The following PHF3 variants were observed in gnomAD, a reference collection of about 807,000 sequenced individuals.
The protein encoded by PHF3 is PHD finger protein 3.
A neutral mutation model predicts 178.4 loss-of-function variants in PHF3; 41 were observed. That is an observed-to-expected ratio of 0.23 (90% CI 0.18 to 0.30). PHF3 has a LOEUF of 0.30. PHF3 is among the 10% of genes least tolerant of loss of function. The pLI, the probability that PHF3 is intolerant of heterozygous loss-of-function variation, is 1.00. For synonymous variants in PHF3, 842 were observed against 800.5 expected, an observed-to-expected ratio of 1.05 and a Z score of -0.88; for missense variants, 2,346 against 2,398.1, an observed-to-expected ratio of 0.98 and a Z score of 0.45.
chr6:63,681,013 A>G (rs1561961362), intron 3 of PHF3, among the ~76,000 whole-genome samples: 1 of 152,070 alleles, frequency 6.6e-6, no homozygotes, highest in Non-Finnish European at 1.5e-5. Flanking sequence ...AGGAGCTGTG[A>G]GATACACTTT....
Position 63,698,594 on chromosome 6 carries a change from C to A in PHF3, c.2971C>A (p.Pro991Thr). The change falls in exon 8 of 16, where the codon CCT (proline) becomes ACT (threonine). Residue 991 changes from proline to threonine, a missense_variant. Coordinates refer to ENST00000262043, the MANE Select transcript of PHF3 (RefSeq NM_001370348.2). ...YRSLMFNLKD[P>T]KNNILFKKVL... The stretch of plus-strand genomic sequence containing the variant: ...AAGTTTGATGTTTAATTTGAAAGAT[C>A]CTAAAAACAATGTAAGTATGCTTTG... The A allele has an allele frequency of 6.4e-7, 1 of 1,567,636 alleles. No homozygotes were observed. Among genetic ancestry groups the A allele is most frequent in the East Asian group, 2.3e-5 (1 of 44,398 alleles).
chr6:63,681,320 C>T (rs574072416), intron 3 of PHF3, among the ~76,000 whole-genome samples: 3 of 152,138 alleles, frequency 2.0e-5, no homozygotes, highest in East Asian at 3.9e-4. Flanking sequence ...GCTCAAGACA[C>T]TCAGTAGATC....
At chr6:63,676,000 T>A (rs1766149550) in intron 2 of PHF3, among the ~76,000 whole-genome samples, 1 of 152,222 alleles carries the variant, frequency 6.6e-6, no homozygotes. Flanking sequence ...TACTTTGAAA[T>A]TTTTGTGATG....
intron 3 of PHF3, among the ~76,000 whole-genome samples, chr6:63,683,589 A>G (rs1460400602): frequency 2.0e-5 from 3 of 152,154 alleles, no homozygotes; most frequent in Non-Finnish European, 4.4e-5. Flanking sequence ...TAAAATGGTG[A>G]CCTAAGGGAA....
intron 2 of PHF3, among the ~76,000 whole-genome samples, chr6:63,655,405 GT>G (rs1765192601): frequency 6.6e-6 from 1 of 151,966 alleles, no homozygotes; most frequent in Non-Finnish European, 1.5e-5. Context: ...TAGAGACAGG[GT>G]TTCACCATGT....
At chr6:63,660,859 T>G (rs1054078730) in intron 2 of PHF3, among the ~76,000 whole-genome samples, 5 of 152,192 alleles carry the variant, frequency 3.3e-5, no homozygotes, top group Non-Finnish European at 7.3e-5. Flanking sequence ...AGGCAATGCC[T>G]TTTCAACAAT....
At chr6:63,662,025 C>G (rs1765489671) in intron 2 of PHF3, among the ~76,000 whole-genome samples, 2 of 152,142 alleles carry the variant, frequency 1.3e-5, no homozygotes, top group South Asian at 4.1e-4. Context: ...CCTGTCAGAT[C>G]AGCGGTGGCA....
chr6:63,683,159 T>C (rs1035972872), intron 3 of PHF3, among the ~76,000 whole-genome samples: 1 of 152,078 alleles, frequency 6.6e-6, no homozygotes, highest in Non-Finnish European at 1.5e-5. Context: ...TATATAATTT[T>C]ATTGTTCAAA....
At chr6:63,653,048 T>G (rs1295014867) in intron 2 of PHF3, among the ~76,000 whole-genome samples, 1 of 150,728 alleles carries the variant, frequency 6.6e-6, no homozygotes, top group African/African-American at 2.4e-5. Context: ...TTCTGTGTAT[T>G]TTTTTTTGTG....
Position 63,713,444 on chromosome 6 carries a change from CCAAGA to C in PHF3, c.5861_5865del (p.Asp1954GlyfsTer14), listed in dbSNP as rs1220531457. 6.2e-7 allele frequency: 1 copy of C among 1,613,660 alleles called. No individual in the cohort carries two copies. Among genetic ancestry groups the C allele is most frequent in the Non-Finnish European group, 8.5e-7 (1 of 1,179,898 alleles). ...AAAGGCATAGACGCAGAGACAGAAG[CCAAGA>C]CAAGGACAGAGACAGAAAAAGCAGG... On this transcript the variant is annotated frameshift_variant, in exon 16 of 16. Coordinates refer to ENST00000262043, the MANE Select transcript of PHF3 (RefSeq NM_001370348.2). LOFTEE classifies it high-confidence loss of function.
At chr6:63,667,834 T>C (rs1765744663) in intron 2 of PHF3, among the ~76,000 whole-genome samples, 3 of 152,134 alleles carry the variant, frequency 2.0e-5, no homozygotes, top group Admixed American at 2.0e-4. Context: ...TTGATTAGAG[T>C]CAAACATATT....
At chr6:63,699,129 AT>A (rs1180963507) in intron 8 of PHF3, among the ~76,000 whole-genome samples, 2 of 152,040 alleles carry the variant, frequency 1.3e-5, no homozygotes, top group Non-Finnish European at 2.9e-5. Context: ...TAAACCCCTA[AT>A]TTTTTCTTGG....
At chr6:63,666,910 C>T (rs967104151) in intron 2 of PHF3, among the ~76,000 whole-genome samples, 3 of 151,984 alleles carry the variant, frequency 2.0e-5, no homozygotes, top group Non-Finnish European at 1.5e-5. Context: ...TGCCACCATG[C>T]CCAGCTAGTT....
At position 63,684,946 on chromosome 6, in the gene PHF3, T is replaced by C. The variant is rs1221753789; in HGVS notation, c.1224T>C (p.Asn408=). The C allele has an allele frequency of 7.4e-6, 12 of 1,614,052 alleles. No individual in the cohort carries two copies. Among genetic ancestry groups the C allele is most frequent in the Non-Finnish European group, 1.0e-5 (12 of 1,179,926 alleles). The stretch of plus-strand genomic sequence containing the variant: ...GTTATTGTGAAGATGCGGAGTCTAA[T>C]AGGCAGTTGGAGAGCACTGAGTTTA... ...PLGYCEDAES[N]RQLESTEFNK... is the part of the protein sequence containing the mutation. Residue 408 remains asparagine, a synonymous_variant, in exon 4 of 16, where the codon AAT becomes AAC. Coordinates refer to ENST00000262043, the MANE Select transcript of PHF3 (RefSeq NM_001370348.2).
chr6:63,640,189 A>G lies in PHF3; in HGVS notation c.-26+4039A>G, dbSNP rs894082227. Among the ~76,000 whole-genome samples, 17 of 152,190 alleles carry G rather than the reference A, an allele frequency of 1.1e-4. 1 individual carries two copies. Among genetic ancestry groups the G allele is most frequent in the Admixed American group, 3.9e-4 (6 of 15,286 alleles). ...AAGTGGGGGTGTAGAGTAGATGACT[A>G]GGTTGAATTGCTTTGTAGAATGATA... On this transcript the variant is annotated intron_variant, in intron 1 of 15. Coordinates refer to ENST00000262043, the MANE Select transcript of PHF3 (RefSeq NM_001370348.2).
At position 63,718,836 on chromosome 6, in the gene PHF3, T is replaced by G. The variant is rs538716827; in HGVS notation, c.*5128T>G. On this transcript the variant is annotated 3_prime_UTR_variant, in exon 16 of 16. Transcript: ENST00000262043. ...TTTGTAAGCTTTCATAAAACAGCCT[T>G]CTTTTTATACATAAAGTATGTTTTC... 6.6e-6 allele frequency among the ~76,000 whole-genome samples: 1 copy of G among 152,020 alleles called. No individual in the cohort carries two copies. The highest frequency in any genetic ancestry group is 2.4e-5 in the African/African-American group (1 of 41,434).
intron 2 of PHF3, among the ~76,000 whole-genome samples, chr6:63,656,700 A>AT (rs1419368804): frequency 6.6e-6 from 1 of 152,010 alleles, no homozygotes; most frequent in South Asian, 2.1e-4. Flanking sequence ...GATCTTCTTT[A>AT]TTTTTTATCT....
chr6:63,640,235 C>T (rs1484600036), intron 1 of PHF3, among the ~76,000 whole-genome samples: 1 of 152,162 alleles, frequency 6.6e-6, no homozygotes, highest in Non-Finnish European at 1.5e-5. Flanking sequence ...TTGTGTCATA[C>T]CACATGGCCT....
At chr6:63,700,239 T>G in intron 8 of PHF3, 111 bp from the exon 9 acceptor site, 1 of 535,248 alleles carries the variant, frequency 1.9e-6, no homozygotes, top group South Asian at 2.6e-5. Context: ...TATAAATAAT[T>G]AAGTATTTGT....
Sources: gnomAD v4.1 joint callset for allele counts (sites outside exome capture counted in the v4.1 genomes callset) on GRCh38, gnomAD v4.1.1 for gene constraint, MANE v1.5 for transcripts, NCBI Gene and HGNC (gene_info 2026-07-23, HGNC 2026-07-21) for gene names.